DIP2A: variants seen among roughly 807,000 people sequenced by gnomAD.
DIP2A encodes the protein DIP2 acetate--CoA ligase A.
A neutral mutation model predicts 177.4 loss-of-function variants in DIP2A; 85 were observed. The observed-to-expected ratio is 0.48, with a 90% CI of 0.40 to 0.57. The LOEUF is 0.57. Ranked by LOEUF, DIP2A falls within the 20% of genes least tolerant of loss-of-function variation. The pLI is 0.00. For missense variants in DIP2A, 1,791 were observed against 2,100.2 expected (o/e 0.85, Z 2.88); for synonymous variants, 886 against 881.8 (o/e 1.00, Z -0.08).
Position 46,533,602 on chromosome 21 carries a change from A to C in DIP2A, c.1384A>C (p.Lys462Gln). 6.2e-7 allele frequency: 1 copy of C among 1,614,046 alleles called. No homozygotes were observed. The change falls in exon 11 of 38, where the codon AAA becomes CAA. Residue 462 changes from lysine (K) to glutamine (Q), a missense_variant. By Grantham distance (53) the Lys-to-Gln change is moderately conservative (BLOSUM62 1). Coordinates refer to ENST00000417564, the MANE Select transcript of DIP2A (RefSeq NM_015151.4). ...FLALTTDACQKGLPKAQTGEV... is the reference protein window; with the variant it reads ...FLALTTDACQQGLPKAQTGEV... The stretch of plus-strand genomic sequence containing the variant: ...GGCCCTGACCACAGACGCTTGTCAG[A>C]AAGGCCTCCCCAAGGCACAGACAGG...
chr21:46,506,768 C>CTT (rs146990096), intron 6 of DIP2A, among the ~76,000 whole-genome samples: 1 of 63,062 alleles, frequency 1.6e-5, no homozygotes, highest in African/African-American at 6.1e-5. Flanking sequence ...TTCTTTCTTT[C>CTT]TTTCTTTTCT....
intron 19 of DIP2A, among the ~76,000 whole-genome samples, chr21:46,545,536 G>A (rs1212993104): frequency 6.6e-6 from 1 of 152,240 alleles, no homozygotes; most frequent in South Asian, 2.1e-4. Context: ...AGGAGGGTGT[G>A]TGGGTGCGGC....
At chr21:46,561,714 A>C in intron 33 of DIP2A, 34 bp from the exon 34 acceptor site, 2 of 1,613,416 alleles carry the variant, frequency 1.2e-6, no homozygotes, top group Middle Eastern at 1.6e-4. Context: ...CTGTGTAGTA[A>C]ATTTTGTACT....
At chr21:46,536,961 AG>A (rs1746455453) in intron 13 of DIP2A, among the ~76,000 whole-genome samples, 1 of 150,930 alleles carries the variant, frequency 6.6e-6, no homozygotes, top group Admixed American at 6.6e-5. Flanking sequence ...TAGCTTCTTC[AG>A]TATGTGATGT....
intron 5 of DIP2A, among the ~76,000 whole-genome samples, chr21:46,499,582 T>C (rs1425245328): frequency 6.6e-6 from 1 of 152,224 alleles, no homozygotes; most frequent in East Asian, 1.9e-4. Context: ...GCTAATCATA[T>C]GATGCATGGA....
rs761334053 is a variant in DIP2A at position 46,563,980 on chromosome 21, C to T, written c.4164+48C>T. ...GGCTTGAGCTCTCCAGCCTCACCAG[C>T]TTCACCTTCCTTCCCTTTTTGCTTC... On this transcript the variant is annotated intron_variant, in intron 35 of 37. Transcript: ENST00000417564. The surrounding 1 kb of genome is among the most constrained non-coding windows in gnomAD (Gnocchi z 4.3). 2 of 1,565,366 alleles carry T rather than the reference C, an allele frequency of 1.3e-6. No homozygotes were observed. The highest frequency in any genetic ancestry group is 2.0e-5 in the Admixed American group (1 of 50,954).
At position 46,569,996 on chromosome 21, in the gene DIP2A, A is replaced by G. The variant is rs2060936490; in HGVS notation, c.*2374A>G. 6.6e-6 allele frequency: 1 copy of G among 152,240 alleles called. No individual in the cohort carries two copies. Among genetic ancestry groups the G allele is most frequent in the South Asian group, 2.1e-4 (1 of 4,832 alleles). 9.4% of individuals were successfully genotyped at this position (152,240 alleles called of 1,614,324 possible). On this transcript the variant is annotated 3_prime_UTR_variant, in exon 38 of 38. Transcript: ENST00000417564. ...AATAATTTGCTTTTGTACTTAATAA[A>G]TTATAGACTTTAAAATCTATTACAT...
chr21:46,502,976 A>G (rs548307186), intron 5 of DIP2A, among the ~76,000 whole-genome samples: 18 of 152,276 alleles, frequency 1.2e-4, no homozygotes, highest in African/African-American at 3.6e-4. Context: ...TGACTTTTAC[A>G]TATGTTCCAG....
In DIP2A at chr21:46,547,656, C is replaced by CTTTT. The variant is rs10672432; in HGVS notation, c.2522+637_2522+640dup. ...AATTTTATTTTTCTCAAGGGGGTGC[C>CTTTT]TTTTTTTTTTTTTTTTTTTTTTTTT... On this transcript the variant is annotated intron_variant, in intron 21 of 37. Coordinates refer to ENST00000417564, the MANE Select transcript of DIP2A (RefSeq NM_015151.4). 1.2e-4 allele frequency among the ~76,000 whole-genome samples: 9 copies of CTTTT among 76,388 alleles called. 2 individuals are homozygous for CTTTT. Among genetic ancestry groups the CTTTT allele is most frequent in the East Asian group, 1.0e-3 (2 of 1,932 alleles). 50.1% of individuals were successfully genotyped at this position (76,388 alleles called of 152,430 possible).
Position 46,508,322 on chromosome 21 carries a change from C to CT in DIP2A, c.785-934dup, listed in dbSNP as rs200253753. Among the ~76,000 whole-genome samples the CT allele has an allele frequency of 5.9e-3, 867 of 147,822 alleles. 7 individuals carry two copies. Among genetic ancestry groups the CT allele is most frequent in the Middle Eastern group, 0.019 (5 of 266 alleles). On this transcript the variant is annotated intron_variant, in intron 6 of 37. Coordinates refer to ENST00000417564, the MANE Select transcript of DIP2A (RefSeq NM_015151.4). Reference sequence around the variant, plus strand: ...GCTAACCAAAGTGCTGGGATTACAGCTGTGAGCCACTGCTCCTGGCTGGCC... The same window carrying CT: ...GCTAACCAAAGTGCTGGGATTACAGCTTGTGAGCCACTGCTCCTGGCTGGCC...
At chr21:46,533,423 A>T in intron 10 of DIP2A, 101 bp from the exon 11 acceptor site, 1 of 1,390,630 alleles carries the variant, frequency 7.2e-7, no homozygotes, top group Non-Finnish European at 9.5e-7. Flanking sequence ...ATGAGGGATG[A>T]AAAAAAGATC....
rs28541571 is a variant in DIP2A, at chr21:46,464,509, A to G, written c.91+5287A>G. Among the ~76,000 whole-genome samples, 990 of 152,366 alleles carry G rather than the reference A, an allele frequency of 6.5e-3. 10 individuals are homozygous for G. Among genetic ancestry groups the G allele is most frequent in the African/African-American group, 0.023 (937 of 41,584 alleles). The stretch of plus-strand genomic sequence containing the variant: ...TTTGTGTTCTATAACAGAACACCAC[A>G]TATAGGTAATTTACAAAGAAAAATT... On this transcript the variant is annotated intron_variant, in intron 1 of 37. Coordinates refer to ENST00000417564, the MANE Select transcript of DIP2A (RefSeq NM_015151.4).
intron 9 of DIP2A, among the ~76,000 whole-genome samples, chr21:46,530,941 A>ATTC (rs1370123867): frequency 6.6e-6 from 1 of 152,206 alleles, no homozygotes; most frequent in Non-Finnish European, 1.5e-5. Flanking sequence ...TTAACTTAAA[A>ATTC]TTCTGTTCCC....
intron 32 of DIP2A, among the ~76,000 whole-genome samples, chr21:46,560,131 C>T (rs1341489790): frequency 1.3e-5 from 2 of 152,324 alleles, no homozygotes; most frequent in East Asian, 3.9e-4. Context: ...CCAGTGCAGA[C>T]ACAGGTTATG....
Position 46,559,552 on chromosome 21 carries a change from C to T in DIP2A, c.3969+1159C>T, listed in dbSNP as rs76659471. 3.8e-3 allele frequency among the ~76,000 whole-genome samples: 572 copies of T among 152,352 alleles called. 3 individuals are homozygous for T. The highest frequency in any genetic ancestry group is 0.013 in the African/African-American group (534 of 41,582). On this transcript the variant is annotated intron_variant, in intron 32 of 37. Transcript: ENST00000417564. Reference sequence around the variant, plus strand: ...ATCGGGCGGGAGCCTTTTGTGAGCTCGCTTCCTGTGTAGGCTGTGGCTGAG... The same window carrying T: ...ATCGGGCGGGAGCCTTTTGTGAGCTTGCTTCCTGTGTAGGCTGTGGCTGAG...
At chr21:46,531,415 G>A (rs572032263) in intron 9 of DIP2A, among the ~76,000 whole-genome samples, 17 of 152,152 alleles carry the variant, frequency 1.1e-4, no homozygotes, top group Non-Finnish European at 1.6e-4. Flanking sequence ...AGAAAAGAAA[G>A]GAAATGTGTA....
the DIP2A span, among the ~76,000 whole-genome samples, chr21:46,581,750 C>T: frequency 6.6e-6 from 1 of 152,130 alleles, no homozygotes; most frequent in Non-Finnish European, 1.5e-5. Context: ...CACCTGGATC[C>T]CTCCTGCACC....
intron 1 of DIP2A, among the ~76,000 whole-genome samples, chr21:46,465,184 TTC>T (rs1307123552): frequency 6.6e-6 from 1 of 152,124 alleles, no homozygotes; most frequent in African/African-American, 2.4e-5. Context: ...TCTTTTGGAG[TTC>T]TTGCTGCTTT....
intron 8 of DIP2A, among the ~76,000 whole-genome samples, chr21:46,519,627 A>G (rs544946701): frequency 4.8e-4 from 73 of 152,318 alleles, no homozygotes; most frequent in African/African-American, 1.6e-3. Context: ...AAAATTTGGT[A>G]TCTGGAAGAT....
Sources: gnomAD v4.1 joint callset for allele counts (sites outside exome capture counted in the v4.1 genomes callset) on GRCh38, gnomAD v4.1.1 for gene constraint, Gnocchi (gnomAD v3.1) non-coding constraint, MANE v1.5 for transcripts, NCBI Gene and HGNC (gene_info 2026-07-23, HGNC 2026-07-21) for gene names.